The following ANKRD33B variants were observed in gnomAD, a reference collection of about 807,000 sequenced individuals.
The protein encoded by ANKRD33B is ankyrin repeat domain 33B.
In ANKRD33B, 6 loss-of-function variants were observed where a neutral mutation model predicts 21.5. The observed-to-expected ratio is 0.28, with a 90% CI of 0.15 to 0.55. The LOEUF is 0.55. Among genes scored for constraint, ANKRD33B ranks in the 20% least tolerant of loss-of-function variants. The pLI is 0.94. For synonymous variants in ANKRD33B, 347 were observed against 342.4 expected (o/e 1.01, Z -0.15); for missense variants, 698 against 747.2 (o/e 0.93, Z 0.77).
At chr5:10,616,019 A>G (rs535925885) in intron 1 of ANKRD33B, among the ~76,000 whole-genome samples, 3 of 152,344 alleles carry the variant, frequency 2.0e-5, no homozygotes, top group African/African-American at 7.2e-5. Context: ...ATTTCACCAT[A>G]TAGATGGAAT....
intron 1 of ANKRD33B, among the ~76,000 whole-genome samples, chr5:10,615,129 C>T (rs553860188): frequency 1.9e-4 from 29 of 152,242 alleles, no homozygotes; most frequent in Non-Finnish European, 3.7e-4. Context: ...ACTTCCGGAA[C>T]CCTGAGAGTG....
intron 1 of ANKRD33B, among the ~76,000 whole-genome samples, chr5:10,580,267 C>G (rs1735415287): frequency 1.3e-5 from 2 of 152,232 alleles, no homozygotes; most frequent in Admixed American, 1.3e-4. Flanking sequence ...AGCCCTAAGT[C>G]TGACTCATTC....
At chr5:10,578,184 A>T (rs1331801318) in intron 1 of ANKRD33B, among the ~76,000 whole-genome samples, 1 of 152,184 alleles carries the variant, frequency 6.6e-6, no homozygotes, top group Non-Finnish European at 1.5e-5. Flanking sequence ...TTTGCCTGGG[A>T]CTTTCCGGTT....
chr5:10,596,364 G>A (rs1735817372), intron 1 of ANKRD33B, among the ~76,000 whole-genome samples: 1 of 152,150 alleles, frequency 6.6e-6, no homozygotes, highest in South Asian at 2.1e-4. Context: ...ATCCCCAACT[G>A]TGTGTCCATG....
At position 10,646,140 on chromosome 5, in the gene ANKRD33B, T is replaced by C. The variant is rs577216828; in HGVS notation, c.638-3126T>C. 3.3e-5 allele frequency among the ~76,000 whole-genome samples: 5 copies of C among 152,284 alleles called. No homozygotes were observed. The East Asian group carries it at 9.6e-4, about 29-fold the overall frequency. ...GCTGCCTCAAGTGAAATAGAGGATT[T>C]TGTGTAGACTTAGAGCACTCAACAA... On this transcript the variant is annotated intron_variant, in intron 3 of 3. Coordinates refer to ENST00000296657, the MANE Select transcript of ANKRD33B (RefSeq NM_001164440.2).
rs376529792 is a variant in ANKRD33B at position 10,565,998 on chromosome 5, C to T, written c.366+1165C>T. On this transcript the variant is annotated intron_variant, in intron 1 of 3. Coordinates refer to ENST00000296657, the MANE Select transcript of ANKRD33B (RefSeq NM_001164440.2). The stretch of plus-strand genomic sequence containing the variant: ...TGCCCTGACTGTGGTTTGGGCTGGG[C>T]TTAGGTGGATGGGAAGCCCTCCAAT... Among the ~76,000 whole-genome samples the T allele has an allele frequency of 5.2e-4, 79 of 152,294 alleles. No individual in the cohort carries two copies. The South Asian group carries it at 0.016, about 31-fold the overall frequency.
chr5:10,644,542 C>G (rs1165722918), intron 3 of ANKRD33B, among the ~76,000 whole-genome samples: 1 of 152,164 alleles, frequency 6.6e-6, no homozygotes, highest in African/African-American at 2.4e-5. Context: ...TCAAATCTTC[C>G]TGTGATTCCA....
At chr5:10,612,209 G>A (rs1736185951) in intron 1 of ANKRD33B, among the ~76,000 whole-genome samples, 1 of 152,198 alleles carries the variant, frequency 6.6e-6, no homozygotes, top group Non-Finnish European at 1.5e-5. Context: ...GTCCGTTTAG[G>A]CTGCTATAGC....
In ANKRD33B at chr5:10,638,176, C is replaced by T. The variant is rs980810082; in HGVS notation, c.637+8C>T. ...GAGCCCTGATGCTAGCAGGTATGTCCACCTGTCCTGTGCAGCTTCCAGGGG... is the reference window on the plus strand; with the variant it reads ...GAGCCCTGATGCTAGCAGGTATGTCTACCTGTCCTGTGCAGCTTCCAGGGG... On this transcript the variant is annotated splice_region_variant and intron_variant, in intron 3 of 3. Transcript: ENST00000296657. 1.5e-5 allele frequency: 23 copies of T among 1,537,162 alleles called. No individual in the cohort carries two copies. In the Admixed American group the frequency reaches 4.3e-4, roughly 29 times the overall value.
At chr5:10,639,890 TTG>T (rs1736987458) in intron 3 of ANKRD33B, among the ~76,000 whole-genome samples, 1 of 24,344 alleles carries the variant, frequency 4.1e-5, no homozygotes, top group Non-Finnish European at 1.0e-4. Flanking sequence ...TGACGTGGAG[TTG>T]TGCGGCGATG....
intron 1 of ANKRD33B, among the ~76,000 whole-genome samples, chr5:10,608,741 AAACGCATG>A (rs1736104839): frequency 2.0e-5 from 3 of 152,342 alleles, no homozygotes; most frequent in Admixed American, 2.0e-4. Flanking sequence ...GGCATTGCTT[AAACGCATG>A]ACAAAAAGCA....
At chr5:10,611,889 A>G (rs568070134) in intron 1 of ANKRD33B, among the ~76,000 whole-genome samples, 3 of 152,260 alleles carry the variant, frequency 2.0e-5, no homozygotes, top group South Asian at 2.1e-4. Flanking sequence ...CCCAGTGCCT[A>G]GTGTAGTGTG....
intron 1 of ANKRD33B, among the ~76,000 whole-genome samples, chr5:10,583,334 G>A (rs1735484947): frequency 1.3e-5 from 2 of 152,212 alleles, no homozygotes; most frequent in African/African-American, 2.4e-5. Flanking sequence ...CAAGTATCGT[G>A]CCCTGTTGCC....
At chr5:10,603,911 T>C (rs955217167) in intron 1 of ANKRD33B, among the ~76,000 whole-genome samples, 1 of 151,498 alleles carries the variant, frequency 6.6e-6, no homozygotes, top group Non-Finnish European at 1.5e-5. Flanking sequence ...TTTTTTTTTT[T>C]GAGATGGAGT....
At chr5:10,593,754 T>G (rs1282820813) in intron 1 of ANKRD33B, among the ~76,000 whole-genome samples, 1 of 152,068 alleles carries the variant, frequency 6.6e-6, no homozygotes, top group East Asian at 1.9e-4. Flanking sequence ...TCAACTTCCC[T>G]GACCCTGGCT....
chr5:10,618,325 A>ATTT lies in ANKRD33B; in HGVS notation c.367-7_367-5dup. On this transcript the variant is annotated splice_region_variant and splice_polypyrimidine_tract_variant and intron_variant, in intron 1 of 3. Coordinates refer to ENST00000296657, the MANE Select transcript of ANKRD33B (RefSeq NM_001164440.2). ...CCCCTCTGACCCGCTTCCCCTCTTC[A>ATTT]TTTCTAGACCGGCCTTATTGTCGCC... 6.5e-7 allele frequency: 1 copy of ATTT among 1,536,566 alleles called. No homozygotes were observed. Among genetic ancestry groups the ATTT allele is most frequent in the Non-Finnish European group, 8.7e-7 (1 of 1,146,920 alleles).
At chr5:10,627,771 C>T (rs918715790) in intron 2 of ANKRD33B, among the ~76,000 whole-genome samples, 1 of 152,224 alleles carries the variant, frequency 6.6e-6, no homozygotes. Flanking sequence ...GAGAGTAGAA[C>T]TTGGTGAGTC....
At chr5:10,578,883 T>TG (rs1045405475) in intron 1 of ANKRD33B, among the ~76,000 whole-genome samples, 1 of 152,102 alleles carries the variant, frequency 6.6e-6, no homozygotes, top group Non-Finnish European at 1.5e-5. Context: ...TACTCTTGGC[T>TG]GGGCGCAGTG....
chr5:10,591,195 G>GTTTTTTTTTTTTT (rs112409223), intron 1 of ANKRD33B, among the ~76,000 whole-genome samples: 1 of 132,076 alleles, frequency 7.6e-6, no homozygotes, highest in Non-Finnish European at 1.6e-5. Context: ...TTTTTTAGTG[G>GTTTTTTTTTTTTT]TTTTTTTTTT....
Sources: allele counts gnomAD v4.1 joint callset (sites outside exome capture counted in the v4.1 genomes callset), GRCh38; gene constraint gnomAD v4.1.1; transcripts MANE v1.5; gene names NCBI Gene and HGNC (gene_info 2026-07-23, HGNC 2026-07-21).